Variants in VPS13C observed in about 807,000 individuals in gnomAD.
VPS13C encodes vacuolar protein sorting 13 homolog C, also known as intermembrane lipid transfer protein VPS13C.
In VPS13C, 358 loss-of-function variants were observed where a neutral mutation model predicts 456.8. The observed-to-expected ratio is 0.78, with a 90% CI of 0.72 to 0.86. The LOEUF (loss-of-function observed/expected upper bound fraction) is 0.86, where lower values mean the gene tolerates loss of function less well. Among genes scored for constraint, VPS13C ranks in the 40% least tolerant of loss-of-function variants. The pLI, the probability that VPS13C is intolerant of heterozygous loss-of-function variation, is 0.00. For synonymous variants in VPS13C, 1,578 were observed against 1,486.7 expected (o/e 1.06, Z -1.41); for missense variants, 4,818 against 4,385.4 (o/e 1.10, Z -2.79).
chr15:61,921,897 T>C, intron 55 of VPS13C, 50 bp downstream of exon 55: 1 of 1,565,464 alleles, frequency 6.4e-7, no homozygotes, highest in Non-Finnish European at 8.8e-7. Context: ...AAACTATGAA[T>C]GAATATGCAT....
chr15:62,026,438 G>A (rs1039302318), intron 6 of VPS13C, among the ~76,000 whole-genome samples: 1 of 151,954 alleles, frequency 6.6e-6, no homozygotes, highest in Non-Finnish European at 1.5e-5. Context: ...AAGTACTACT[G>A]GGAAGCTGTC....
intron 57 of VPS13C, 84 bp downstream of exon 57, chr15:61,919,983 C>G: frequency 7.7e-7 from 1 of 1,303,940 alleles, no homozygotes; most frequent in South Asian, 2.3e-5. Context: ...ATATCTGCAG[C>G]AAAATGTTTT....
chr15:61,905,783 C>CT (rs920287664), intron 66 of VPS13C, among the ~76,000 whole-genome samples: 2 of 151,950 alleles, frequency 1.3e-5, no homozygotes, highest in African/African-American at 2.4e-5. Context: ...AAGATATAAT[C>CT]TTTGTCATTT....
At chr15:61,944,913 T>A (rs1258838453) in intron 45 of VPS13C, among the ~76,000 whole-genome samples, 1 of 152,170 alleles carries the variant, frequency 6.6e-6, no homozygotes, top group African/African-American at 2.4e-5. Context: ...CTTCAGCCCA[T>A]GTGATATGGT....
chr15:61,882,771 A>C, intron 68 of VPS13C, 35 bp from the exon 69 acceptor site: 3 of 1,537,024 alleles, frequency 2.0e-6, no homozygotes, highest in Non-Finnish European at 2.6e-6. Flanking sequence ...TGATGAGCTG[A>C]TATTAGCACA....
chr15:61,959,700 C>T, intron 35 of VPS13C, 105 bp from the exon 36 acceptor site: 1 of 1,113,482 alleles, frequency 9.0e-7, no homozygotes, highest in Non-Finnish European at 1.2e-6. Context: ...AAATACTGAT[C>T]TGAAACAGTG....
Position 61,925,442 on chromosome 15 carries a change from TG to T in VPS13C, c.6609+13del. The T allele has an allele frequency of 6.9e-7, 1 of 1,439,848 alleles. No individual in the cohort carries two copies. 89.2% of individuals were successfully genotyped at this position (1,439,848 alleles called of 1,614,324 possible). On this transcript the variant is annotated intron_variant, in intron 53 of 84. Coordinates refer to ENST00000644861, the MANE Select transcript of VPS13C (RefSeq NM_020821.3). ...AATAAGAATTTTCACTCAAAGAATA[TG>T]GTAAGTACTAACCTTAATTATAAAT...
In VPS13C at chr15:61,919,467, T is replaced by C. The variant is rs370332892; in HGVS notation, c.7478-18A>G. 2.0e-6 allele frequency: 3 copies of C among 1,478,046 alleles called. No individual in the cohort carries two copies. The African/African-American group carries it at 4.4e-5, about 22-fold the overall frequency. The allele number at this position is 1,478,046 out of a possible 1,614,324, so 91.6% of individuals were successfully genotyped here. The stretch of plus-strand genomic sequence containing the variant: ...ATGAGGTACTAAGGCAGTGCATAAG[T>C]GAAAAGAATTCCAAATATTAATTTG... On this transcript the variant is annotated intron_variant, in intron 57 of 84. Transcript: ENST00000644861.
intron 45 of VPS13C, among the ~76,000 whole-genome samples, chr15:61,943,714 C>A (rs1219427865): frequency 6.6e-6 from 1 of 152,010 alleles, no homozygotes; most frequent in African/African-American, 2.4e-5. Flanking sequence ...AAACACCATT[C>A]TAGATATCGG....
intron 32 of VPS13C, among the ~76,000 whole-genome samples, chr15:61,963,464 C>A (rs1399006512): frequency 6.6e-6 from 1 of 151,776 alleles, no homozygotes; most frequent in Admixed American, 6.6e-5. Context: ...ATATAAAAAT[C>A]ATATGAAGGT....
rs762176984 is a variant in VPS13C at position 61,925,556 on chromosome 15, C to G, written c.6517-8G>C. 3.8e-6 allele frequency: 6 copies of G among 1,565,884 alleles called. No individual in the cohort carries two copies. The highest frequency in any genetic ancestry group is 4.3e-6 in the Non-Finnish European group (5 of 1,156,760). ...AGAACAGGGCTGCAAGACCTATAAACAGATAAATGAAATTCACATTTCCAT... is the reference window on the plus strand; with the variant it reads ...AGAACAGGGCTGCAAGACCTATAAAGAGATAAATGAAATTCACATTTCCAT... On this transcript the variant is annotated splice_polypyrimidine_tract_variant and splice_region_variant and intron_variant, in intron 52 of 84. Transcript: ENST00000644861.
intron 66 of VPS13C, 129 bp downstream of exon 66, chr15:61,907,135 A>G (rs1176575272): frequency 7.1e-7 from 1 of 1,407,002 alleles, no homozygotes; most frequent in South Asian, 1.2e-5. Context: ...AAAGTCCAAA[A>G]GCTACTTTTT....
In VPS13C at chr15:61,863,435, A is replaced by C; in HGVS notation, c.10952+5T>G. Reference sequence around the variant, plus strand: ...ATTTGGAAAAATGTCACTTCAAGTCAGTACCTATTTGTAACCATAAGGATT... The same window carrying C: ...ATTTGGAAAAATGTCACTTCAAGTCCGTACCTATTTGTAACCATAAGGATT... On this transcript the variant is annotated splice_donor_5th_base_variant and intron_variant, in intron 82 of 84. Transcript: ENST00000644861. 1 of 1,605,902 alleles carries C rather than the reference A, an allele frequency of 6.2e-7. No homozygotes were observed.
intron 11 of VPS13C, among the ~76,000 whole-genome samples, chr15:62,012,757 G>A (rs1320954824): frequency 2.0e-5 from 3 of 151,810 alleles, no homozygotes; most frequent in South Asian, 2.1e-4. Context: ...TGACAAGAAT[G>A]TCATCAAAAT....
At chr15:61,901,205 G>T (rs2042985287) in intron 66 of VPS13C, among the ~76,000 whole-genome samples, 1 of 151,976 alleles carries the variant, frequency 6.6e-6, no homozygotes, top group Non-Finnish European at 1.5e-5. Flanking sequence ...CATGGGCGAG[G>T]ACTTCATGTC....
At chr15:61,881,511 G>A in intron 71 of VPS13C, 52 bp downstream of exon 71, 1 of 1,502,168 alleles carries the variant, frequency 6.7e-7, no homozygotes, top group Non-Finnish European at 9.0e-7. Context: ...TATTTTCAAA[G>A]TAGATTCTCA....
chr15:61,985,427 T>C (rs988328255), intron 18 of VPS13C, among the ~76,000 whole-genome samples: 2 of 152,048 alleles, frequency 1.3e-5, no homozygotes, highest in Non-Finnish European at 2.9e-5. Context: ...AAGCTAAGTT[T>C]TGTGTTTTTA....
chr15:61,951,109 T>C, intron 39 of VPS13C, 85 bp from the exon 40 acceptor site: 1 of 832,860 alleles, frequency 1.2e-6, no homozygotes, highest in Non-Finnish European at 1.9e-6. Flanking sequence ...TACACAAATA[T>C]ACATTTGTCA....
At chr15:61,864,691 C>T in intron 81 of VPS13C, 1 of 985,440 alleles carries the variant, frequency 1.0e-6, no homozygotes, top group East Asian at 1.1e-4. Context: ...AAGAGGAATC[C>T]ACAAAGAACT....
Sources: allele counts gnomAD v4.1 joint callset (sites outside exome capture counted in the v4.1 genomes callset), GRCh38; gene constraint gnomAD v4.1.1; transcripts MANE v1.5; gene names NCBI Gene and HGNC (gene_info 2026-07-23, HGNC 2026-07-21).